The following TENM2 variants were observed in gnomAD, a reference collection of about 807,000 sequenced individuals.
TENM2 encodes teneurin transmembrane protein 2.
TENM2 carries 52 observed loss-of-function variants against 245.2 expected under a neutral mutation model. The observed-to-expected ratio is 0.21, with a 90% CI of 0.17 to 0.27. The LOEUF (loss-of-function observed/expected upper bound fraction) is 0.27. Among genes scored for constraint, TENM2 ranks in the 10% least tolerant of loss-of-function variants. TENM2 has a pLI of 1.00. For missense variants in TENM2, 3,046 were observed against 3,666.8 expected (o/e 0.83, Z 4.37); for synonymous variants, 1,363 against 1,438.9 (o/e 0.95, Z 1.19).
intron 4 of TENM2, among the ~76,000 whole-genome samples, chr5:167,959,580 ATTC>A (rs1780843171): frequency 6.6e-6 from 1 of 152,130 alleles, no homozygotes; most frequent in Non-Finnish European, 1.5e-5. Context: ...TAAACTGGTT[ATTC>A]TAGTTAGCAA....
intron 2 of TENM2, among the ~76,000 whole-genome samples, chr5:167,633,819 T>C (rs1470228460): frequency 2.6e-5 from 4 of 152,198 alleles, no homozygotes; most frequent in Non-Finnish European, 5.9e-5. Context: ...CCTGGAAATA[T>C]ATCTTAAAGA....
At chr5:167,504,896 G>T (rs139265012) in intron 2 of TENM2, among the ~76,000 whole-genome samples, 1 of 151,932 alleles carries the variant, frequency 6.6e-6, no homozygotes, top group South Asian at 2.1e-4. Flanking sequence ...CTCCTTCATT[G>T]CTTCCTTCTC....
chr5:167,274,901 A>G, the TENM2 span, among the ~76,000 whole-genome samples: 1 of 151,880 alleles, frequency 6.6e-6, no homozygotes, highest in Non-Finnish European at 1.5e-5. Flanking sequence ...TATTATCAGT[A>G]TTTATCCTTT....
intron 2 of TENM2, among the ~76,000 whole-genome samples, chr5:167,778,132 A>C (rs1218203960): frequency 6.6e-6 from 1 of 152,188 alleles, no homozygotes; most frequent in Non-Finnish European, 1.5e-5. Context: ...GGATCCATCA[A>C]GGTAGTCTCC....
At chr5:167,642,060 G>A (rs1229051925) in intron 2 of TENM2, among the ~76,000 whole-genome samples, 1 of 150,938 alleles carries the variant, frequency 6.6e-6, no homozygotes, top group African/African-American at 2.4e-5. Flanking sequence ...AGATTCGCTT[G>A]AACCCAGGAG....
chr5:167,646,200 C>CAT (rs61476810), intron 2 of TENM2, among the ~76,000 whole-genome samples: 11,146 of 62,960 alleles, frequency 0.18, 995 homozygotes, highest in South Asian at 0.24. Flanking sequence ...ATGTTGTTTT[C>CAT]ATATATATAT....
intron 2 of TENM2, among the ~76,000 whole-genome samples, chr5:167,580,996 C>CA (rs1334529998): frequency 2.0e-5 from 3 of 151,732 alleles, no homozygotes; most frequent in African/African-American, 2.4e-5. Context: ...CTCAAAAAAT[C>CA]AAAAAAACGG....
chr5:167,934,284 C>T lies in TENM2; in HGVS notation c.713-18304C>T, dbSNP rs78006529. On this transcript the variant is annotated intron_variant, in intron 3 of 28. Transcript: ENST00000518659. Reference sequence around the variant, plus strand: ...CACCATATCACATTAATTGTTTTATCCCTAAACTATCAGAGAAAGCAGCAT... The same window carrying T: ...CACCATATCACATTAATTGTTTTATTCCTAAACTATCAGAGAAAGCAGCAT... Among the ~76,000 whole-genome samples, 192 of 152,262 alleles carry T rather than the reference C, an allele frequency of 1.3e-3. No individual in the cohort carries two copies. In the East Asian group the frequency reaches 0.032, roughly 26 times the overall value.
the TENM2 span, among the ~76,000 whole-genome samples, chr5:166,988,960 G>A: frequency 6.6e-6 from 1 of 152,210 alleles, no homozygotes; most frequent in African/African-American, 2.4e-5. Context: ...ACTGAAGAGA[G>A]TCTGCCCCTT....
intron 13 of TENM2, among the ~76,000 whole-genome samples, chr5:168,170,219 AC>A (rs1758680003): frequency 1.3e-5 from 2 of 152,052 alleles, no homozygotes; most frequent in Non-Finnish European, 2.9e-5. Flanking sequence ...AAAAGATAGA[AC>A]CAGCTGCGCA....
chr5:167,343,064 G>C (rs866934752), intron 1 of TENM2, among the ~76,000 whole-genome samples: 19 of 151,740 alleles, frequency 1.3e-4, no homozygotes, highest in African/African-American at 4.4e-4. Flanking sequence ...TTATATTTTG[G>C]GTTCCAAGTT....
chr5:167,256,078 T>C, the TENM2 span, among the ~76,000 whole-genome samples: 1 of 152,298 alleles, frequency 6.6e-6, no homozygotes, highest in South Asian at 2.1e-4. Context: ...TCTTTTGGCT[T>C]TGGCTTTTGG....
chr5:167,777,379 A>C lies in TENM2; in HGVS notation c.503-98607A>C, dbSNP rs532130136. Among the ~76,000 whole-genome samples the C allele has an allele frequency of 7.2e-5, 11 of 152,378 alleles. No homozygotes were observed. In the East Asian group the frequency reaches 1.9e-3, roughly 27 times the overall value. ...AATGAATAAGTATACTTTCAAAAGC[A>C]AATTATTCATTTAATTAATTTATTT... On this transcript the variant is annotated intron_variant, in intron 2 of 28. Coordinates refer to ENST00000518659, the Ensembl canonical transcript of TENM2.
At chr5:167,570,640 AGGAATG>A (rs1774209434) in intron 2 of TENM2, among the ~76,000 whole-genome samples, 1 of 152,138 alleles carries the variant, frequency 6.6e-6, no homozygotes. Flanking sequence ...CCAGAACCCT[AGGAATG>A]CCCCCTGGAA....
chr5:167,419,604 C>T (rs1328139956), intron 2 of TENM2, among the ~76,000 whole-genome samples: 1 of 152,152 alleles, frequency 6.6e-6, no homozygotes, highest in Non-Finnish European at 1.5e-5. Context: ...AAGTGATGGC[C>T]TTTTCAAAGT....
chr5:168,225,322 G>C, intron 23 of TENM2, among the ~76,000 whole-genome samples: 1 of 152,232 alleles, frequency 6.6e-6, no homozygotes, highest in South Asian at 2.1e-4. Context: ...AGAAGACTCA[G>C]GGCATGGATG....
At chr5:168,243,023 T>G (rs1766245238) in intron 25 of TENM2, among the ~76,000 whole-genome samples, 1 of 152,056 alleles carries the variant, frequency 6.6e-6, no homozygotes, top group African/African-American at 2.4e-5. Flanking sequence ...TACCAGTAAG[T>G]GCTGTTGAAT....
At chr5:168,015,607 T>C (rs906581017) in intron 5 of TENM2, among the ~76,000 whole-genome samples, 5 of 152,190 alleles carry the variant, frequency 3.3e-5, no homozygotes, top group Non-Finnish European at 7.3e-5. Flanking sequence ...GAGACCAGAG[T>C]GCCTCAAATG....
chr5:168,092,740 G>A (rs374888655), intron 8 of TENM2, among the ~76,000 whole-genome samples: 1 of 152,182 alleles, frequency 6.6e-6, no homozygotes, highest in African/African-American at 2.4e-5. Flanking sequence ...GATGAGAAAC[G>A]ACTTCCTTTG....
Sources: allele counts gnomAD v4.1 joint callset (sites outside exome capture counted in the v4.1 genomes callset), GRCh38; gene constraint gnomAD v4.1.1; transcripts MANE v1.5; gene names NCBI Gene and HGNC (gene_info 2026-07-23, HGNC 2026-07-21).